Variants in RGS7 observed in about 807,000 individuals in gnomAD.
RGS7 encodes regulator of G-protein signaling 7.
Under a neutral mutation model 81.1 loss-of-function variants are expected in RGS7, and 27 were observed. The observed-to-expected ratio is 0.33, with a 90% CI of 0.25 to 0.46. The LOEUF is 0.46. Among genes scored for constraint, RGS7 ranks in the 20% least tolerant of loss-of-function variants. The pLI is 1.00. For missense variants in RGS7, 396 were observed against 607.4 expected (o/e 0.65, Z 3.66); for synonymous variants, 208 against 207.7 (o/e 1.00, Z -0.01).
chr1:240,798,829 T>C (rs1445910861), intron 18 of RGS7, among the ~76,000 whole-genome samples: 5 of 152,198 alleles, frequency 3.3e-5, no homozygotes, highest in Admixed American at 6.5e-5. Context: ...TATTTTCCCC[T>C]ATTCCATTTC....
intron 2 of RGS7, among the ~76,000 whole-genome samples, chr1:241,203,587 C>T (rs193241119): frequency 6.6e-6 from 1 of 152,188 alleles, no homozygotes; most frequent in Admixed American, 6.5e-5. Context: ...CTGTGAGCAC[C>T]AGGTACTCCA....
chr1:241,183,172 A>G (rs191129494), intron 2 of RGS7, among the ~76,000 whole-genome samples: 1 of 152,294 alleles, frequency 6.6e-6, no homozygotes, highest in East Asian at 1.9e-4. Flanking sequence ...CAAGTAGACC[A>G]TGTCCCACCT....
In RGS7 at chr1:240,843,464, C is replaced by T. The variant is rs899778713; in HGVS notation, c.610-16292G>A. Among the ~76,000 whole-genome samples the T allele has an allele frequency of 7.2e-5, 11 of 152,188 alleles. No individual in the cohort carries two copies. The South Asian group carries it at 2.3e-3, about 32-fold the overall frequency. On this transcript the variant is annotated intron_variant, in intron 9 of 18. Transcript: ENST00000440928. ...TATTTTTTGTAGGGATGAGGTTTTGCTATGTTGCCCAGGCTGGTCTTCAAC... is the reference window on the plus strand; with the variant it reads ...TATTTTTTGTAGGGATGAGGTTTTGTTATGTTGCCCAGGCTGGTCTTCAAC...
At chr1:241,001,884 A>T (rs764503122) in intron 3 of RGS7, among the ~76,000 whole-genome samples, 6 of 151,960 alleles carry the variant, frequency 3.9e-5, no homozygotes, top group Non-Finnish European at 7.3e-5. Flanking sequence ...AATGCACAAC[A>T]CCAATGATAA....
chr1:241,076,123 A>G (rs372317495), intron 3 of RGS7, among the ~76,000 whole-genome samples: 2 of 152,164 alleles, frequency 1.3e-5, no homozygotes, highest in South Asian at 2.1e-4. Context: ...CAGAGAGGCC[A>G]TGGAGCATGA....
At chr1:241,235,208 G>A (rs1015012118) in intron 2 of RGS7, among the ~76,000 whole-genome samples, 3 of 152,144 alleles carry the variant, frequency 2.0e-5, no homozygotes, top group African/African-American at 7.2e-5. Context: ...TTCCACAGAT[G>A]AAAAAGCTGA....
At chr1:241,033,622 A>T (rs1475234933) in intron 3 of RGS7, among the ~76,000 whole-genome samples, 3 of 151,964 alleles carry the variant, frequency 2.0e-5, no homozygotes, top group Non-Finnish European at 4.4e-5. Flanking sequence ...TGGTGATAAA[A>T]TGTCCTTTCA....
chr1:240,830,810 G>A (rs1012357009), intron 9 of RGS7, among the ~76,000 whole-genome samples: 2 of 152,052 alleles, frequency 1.3e-5, no homozygotes, highest in African/African-American at 4.8e-5. Flanking sequence ...TTAACAAATG[G>A]CCCTGGAAAT....
intron 9 of RGS7, among the ~76,000 whole-genome samples, chr1:240,849,116 T>A (rs1222466091): frequency 6.6e-6 from 1 of 152,170 alleles, no homozygotes; most frequent in Non-Finnish European, 1.5e-5. Context: ...TCATCCTAAT[T>A]TTTTCCAGAA....
intron 3 of RGS7, among the ~76,000 whole-genome samples, chr1:240,990,995 G>C (rs1207459136): frequency 1.3e-5 from 2 of 152,176 alleles, no homozygotes; most frequent in Non-Finnish European, 2.9e-5. Context: ...CACAGAAAAT[G>C]TTGGGTTTTG....
At chr1:240,826,537 TC>T in intron 10 of RGS7, among the ~76,000 whole-genome samples, 1 of 152,322 alleles carries the variant, frequency 6.6e-6, no homozygotes, top group Admixed American at 6.5e-5. Flanking sequence ...CTTGTGTACA[TC>T]AAGCGTGTTT....
rs535410740 is a variant in RGS7 at position 241,328,905 on chromosome 1, A to AT, written c.78+26793dup. Among the ~76,000 whole-genome samples the AT allele has an allele frequency of 7.6e-3, 1,141 of 150,910 alleles. 7 individuals are homozygous for AT. Among genetic ancestry groups the AT allele is most frequent in the Middle Eastern group, 0.01 (3 of 290 alleles). ...CAACTGGTCTACCAGGGATAGCATG[A>AT]TTTTTTTTTTCTTCTCTGCAATACC... On this transcript the variant is annotated intron_variant, in intron 2 of 18. Coordinates refer to ENST00000440928, the MANE Select transcript of RGS7 (RefSeq NM_001364886.1).
chr1:240,860,354 T>G (rs141544183), intron 9 of RGS7, among the ~76,000 whole-genome samples: 1 of 152,162 alleles, frequency 6.6e-6, no homozygotes, highest in Non-Finnish European at 1.5e-5. Flanking sequence ...TTGTACTTCT[T>G]TCAGTGTTTG....
intron 6 of RGS7, among the ~76,000 whole-genome samples, chr1:240,898,616 C>G (rs1263785096): frequency 2.0e-5 from 3 of 152,072 alleles, no homozygotes; most frequent in Non-Finnish European, 2.9e-5. Flanking sequence ...TTAATCCTGA[C>G]TTCTAGTTTG....
At chr1:241,090,153 G>C (rs1359280304) in intron 3 of RGS7, among the ~76,000 whole-genome samples, 1 of 140,118 alleles carries the variant, frequency 7.1e-6, no homozygotes, top group East Asian at 1.9e-4. Context: ...TTGGAGAAAG[G>C]CAGGATGAGG....
intron 18 of RGS7, 52 bp from the exon 19 acceptor site, chr1:240,776,265 T>A: frequency 7.4e-7 from 1 of 1,351,810 alleles, no homozygotes; most frequent in Non-Finnish European, 1.1e-6. Flanking sequence ...GTACGATCAC[T>A]GAAAACCTGC....
At chr1:241,245,651 A>G (rs1044467970) in intron 2 of RGS7, among the ~76,000 whole-genome samples, 12 of 151,758 alleles carry the variant, frequency 7.9e-5, no homozygotes, top group Non-Finnish European at 1.6e-4. Context: ...GACTAAAAAT[A>G]CAAAAATTAG....
chr1:240,894,308 T>G (rs1668702003), intron 6 of RGS7, among the ~76,000 whole-genome samples: 1 of 152,210 alleles, frequency 6.6e-6, no homozygotes, highest in South Asian at 2.1e-4. Context: ...TAGCGCTCAG[T>G]GTCTTTCAAA....
chr1:241,175,928 T>C (rs369891920), intron 2 of RGS7, among the ~76,000 whole-genome samples: 5 of 152,248 alleles, frequency 3.3e-5, no homozygotes, highest in African/African-American at 1.2e-4. Flanking sequence ...TAAAGAGCAG[T>C]GATTCTTTTT....
Sources: allele counts gnomAD v4.1 joint callset (sites outside exome capture counted in the v4.1 genomes callset), GRCh38; gene constraint gnomAD v4.1.1; transcripts MANE v1.5; gene names NCBI Gene and HGNC (gene_info 2026-07-23, HGNC 2026-07-21).